Variants in PTP4A1 observed in about 807,000 individuals in gnomAD.
The protein encoded by PTP4A1 is protein tyrosine phosphatase 4A1.
Under a neutral mutation model 20.5 loss-of-function variants are expected in PTP4A1, and 9 were observed. The observed-to-expected ratio is 0.44, with a 90% CI of 0.26 to 0.77. The LOEUF (loss-of-function observed/expected upper bound fraction) is 0.77, where lower values mean the gene tolerates loss of function less well. PTP4A1 is among the 30% of genes least tolerant of loss of function. PTP4A1 has a pLI of 0.19. For synonymous variants in PTP4A1, 78 were observed against 67.4 expected, an observed-to-expected ratio of 1.16 and a Z score of -0.77; for missense variants, 137 against 218.8, an observed-to-expected ratio of 0.63 and a Z score of 2.36.
intron 3 of PTP4A1, among the ~76,000 whole-genome samples, chr6:63,564,905 T>C (rs1046523203): frequency 2.0e-5 from 3 of 152,276 alleles, no homozygotes; most frequent in African/African-American, 7.2e-5. Flanking sequence ...TCATGAGTTA[T>C]GGATAGATTC....
At chr6:63,560,884 C>T (rs960194867) in intron 3 of PTP4A1, among the ~76,000 whole-genome samples, 9 of 152,218 alleles carry the variant, frequency 5.9e-5, no homozygotes, top group South Asian at 2.1e-4. Context: ...TGGGGAACAA[C>T]ATCTCTTGAA....
chr6:63,556,972 A>G (rs1277618954), intron 3 of PTP4A1, among the ~76,000 whole-genome samples: 1 of 152,186 alleles, frequency 6.6e-6, no homozygotes, highest in Non-Finnish European at 1.5e-5. Context: ...TTGTCTACCA[A>G]ACACTAGCGC....
intron 2 of PTP4A1, among the ~76,000 whole-genome samples, chr6:63,533,619 A>G (rs1562114241): frequency 6.6e-6 from 1 of 152,162 alleles, no homozygotes; most frequent in Non-Finnish European, 1.5e-5. Context: ...CTGAGGGACT[A>G]GAGCACATGA....
At chr6:63,532,091 G>A (rs1196955832) in intron 2 of PTP4A1, among the ~76,000 whole-genome samples, 5 of 152,188 alleles carry the variant, frequency 3.3e-5, no homozygotes, top group South Asian at 4.1e-4. Context: ...GAGCCACCAC[G>A]CCCGGTCAAC....
chr6:63,552,371 TG>T (rs1776489406), intron 3 of PTP4A1, among the ~76,000 whole-genome samples: 1 of 152,354 alleles, frequency 6.6e-6, no homozygotes, highest in African/African-American at 2.4e-5. Flanking sequence ...ACCCACTTTT[TG>T]ATGGGGTTGT....
chr6:63,553,465 TA>T (rs767601247), intron 3 of PTP4A1, among the ~76,000 whole-genome samples: 13 of 152,216 alleles, frequency 8.5e-5, no homozygotes, highest in Non-Finnish European at 8.8e-5. Context: ...ATGGGTGGCC[TA>T]AAAATAAGTT....
upstream of PTP4A1, among the ~76,000 whole-genome samples, chr6:63,518,768 T>C (rs1345642596): frequency 6.6e-6 from 1 of 152,290 alleles, no homozygotes; most frequent in Middle Eastern, 3.4e-3. Context: ...GCAATAATCA[T>C]AAATGTACCT....
chr6:63,552,541 A>G (rs554752020), intron 3 of PTP4A1, among the ~76,000 whole-genome samples: 2 of 152,294 alleles, frequency 1.3e-5, no homozygotes, highest in East Asian at 3.9e-4. Flanking sequence ...TAGTTTAATT[A>G]GATCCCATTT....
rs757095424 is a variant in PTP4A1 at position 63,580,210 on chromosome 6, G to C, written c.*36G>C. 20 of 1,464,800 alleles carry C rather than the reference G, an allele frequency of 1.4e-5. No homozygotes were observed. The highest frequency in any genetic ancestry group is 1.9e-5 in the Non-Finnish European group (20 of 1,046,296). 90.7% of individuals were successfully genotyped at this position (1,464,800 alleles called of 1,614,324 possible). On this transcript the variant is annotated 3_prime_UTR_variant, in exon 6 of 6. Coordinates refer to ENST00000626021, the MANE Select transcript of PTP4A1 (RefSeq NM_003463.5). ...CCTAATGCTACTGGAAGTGGAACTT[G>C]AGATAGGGCCTAATTTGTTATACAT...
At chr6:63,546,690 G>C (rs1338962633) in intron 2 of PTP4A1, among the ~76,000 whole-genome samples, 2 of 151,240 alleles carry the variant, frequency 1.3e-5, no homozygotes, top group Non-Finnish European at 2.9e-5. Context: ...TGGCCAATGA[G>C]AGCAAAACTC....
chr6:63,553,654 A>G (rs1041864306), intron 3 of PTP4A1, among the ~76,000 whole-genome samples: 1 of 152,198 alleles, frequency 6.6e-6, no homozygotes, highest in African/African-American at 2.4e-5. Context: ...CTGGTAAAGA[A>G]TTGATTGCAT....
chr6:63,570,207 T>G (rs767712991), upstream of PTP4A1, among the ~76,000 whole-genome samples: 3 of 152,154 alleles, frequency 2.0e-5, no homozygotes, highest in African/African-American at 7.2e-5. Context: ...GGCAGGTGGC[T>G]GTAATCCCAG....
intron 3 of PTP4A1, among the ~76,000 whole-genome samples, chr6:63,560,931 G>A (rs1776922492): frequency 6.6e-6 from 1 of 152,126 alleles, no homozygotes; most frequent in African/African-American, 2.4e-5. Flanking sequence ...CAGATTTTCA[G>A]TAAAGTATTG....
At chr6:63,517,019 T>C (rs1774753239), upstream of PTP4A1, among the ~76,000 whole-genome samples, 2 of 152,196 alleles carry the variant, frequency 1.3e-5, no homozygotes, top group Non-Finnish European at 2.9e-5. Flanking sequence ...TTTTGGGATA[T>C]TTATTTCTCT....
At chr6:63,551,420 T>C (rs1400465323) in intron 3 of PTP4A1, among the ~76,000 whole-genome samples, 2 of 152,190 alleles carry the variant, frequency 1.3e-5, no homozygotes, top group African/African-American at 4.8e-5. Flanking sequence ...AAATAAAATG[T>C]CCACAATTCA....
chr6:63,524,248 T>C (rs957688307), intron 1 of PTP4A1, among the ~76,000 whole-genome samples: 9 of 152,104 alleles, frequency 5.9e-5, no homozygotes, highest in Admixed American at 5.9e-4. Flanking sequence ...GCCTCCCAAA[T>C]TGCTGGGATT....
At chr6:63,579,067 A>G in intron 4 of PTP4A1, 39 bp downstream of exon 4, 3 of 1,528,546 alleles carry the variant, frequency 2.0e-6, no homozygotes, top group Non-Finnish European at 2.6e-6. Context: ...GTAAAAATCT[A>G]TTGATAATGA....
At chr6:63,572,430 G>C (rs1777496129), upstream of PTP4A1, 2 of 368,452 alleles carry the variant, frequency 5.4e-6, no homozygotes, top group Non-Finnish European at 9.7e-6. Flanking sequence ...GGTGGCTGGA[G>C]GGTTGCACGT....
upstream of PTP4A1, chr6:63,572,360 G>A (rs1314631272): frequency 5.7e-5 from 17 of 299,062 alleles, 1 homozygote; most frequent in Admixed American, 8.2e-4. Flanking sequence ...GTGACGTCCG[G>A]AGGGGGCGGG....
Sources: gnomAD v4.1 joint callset for allele counts (sites outside exome capture counted in the v4.1 genomes callset) on GRCh38, gnomAD v4.1.1 for gene constraint, MANE v1.5 for transcripts, NCBI Gene and HGNC (gene_info 2026-07-23, HGNC 2026-07-21) for gene names.